TLE4: variants seen among roughly 807,000 people sequenced by gnomAD.
The protein encoded by TLE4 is transducin-like enhancer protein 4.
TLE4 carries 8 observed loss-of-function variants against 92.8 expected under a neutral mutation model. That is an observed-to-expected ratio of 0.09 (90% CI 0.05 to 0.16). The LOEUF (loss-of-function observed/expected upper bound fraction) is 0.16, where lower values mean the gene tolerates loss of function less well. TLE4 is among the 10% of genes least tolerant of loss of function. The probability of loss-of-function intolerance (pLI) is 1.00; values close to 1 mark genes in which losing one functional copy is unlikely to be tolerated. For missense variants in TLE4, 675 were observed against 997.6 expected (o/e 0.68, Z 4.36); for synonymous variants, 371 against 374.1 (o/e 0.99, Z 0.10).
At chr9:79,614,960 A>T (rs901891895) in intron 5 of TLE4, among the ~76,000 whole-genome samples, 1 of 152,094 alleles carries the variant, frequency 6.6e-6, no homozygotes, top group African/African-American at 2.4e-5. Context: ...AGTTCTGTGT[A>T]TATATTTTCT....
intron 8 of TLE4, among the ~76,000 whole-genome samples, chr9:79,673,201 A>G (rs991774668): frequency 6.6e-5 from 10 of 152,234 alleles, no homozygotes; most frequent in African/African-American, 2.4e-4. Context: ...CAAGGAATGA[A>G]ATTTTTAAAG....
chr9:79,580,726 T>C (rs2039415702), intron 4 of TLE4, among the ~76,000 whole-genome samples: 1 of 151,952 alleles, frequency 6.6e-6, no homozygotes, highest in Non-Finnish European at 1.5e-5. Flanking sequence ...TTTTTTTTTT[T>C]CAGAGATAGG....
intron 6 of TLE4, among the ~76,000 whole-genome samples, chr9:79,633,429 C>G (rs575503564): frequency 6.6e-6 from 1 of 152,228 alleles, no homozygotes; most frequent in East Asian, 1.9e-4. Context: ...TCCTTTCCCC[C>G]AGTGAATGCA....
At chr9:79,693,406 T>A (rs962832652) in intron 8 of TLE4, among the ~76,000 whole-genome samples, 3 of 152,156 alleles carry the variant, frequency 2.0e-5, no homozygotes, top group Admixed American at 2.0e-4. Flanking sequence ...TTTAGAAATG[T>A]TGTCAGTGGC....
chr9:79,668,571 C>T (rs1220118956), intron 8 of TLE4, among the ~76,000 whole-genome samples: 1 of 152,132 alleles, frequency 6.6e-6, no homozygotes, highest in Non-Finnish European at 1.5e-5. Context: ...TTTACCATGC[C>T]AGTCAGGTGG....
intron 4 of TLE4, among the ~76,000 whole-genome samples, chr9:79,593,082 G>T (rs1403363549): frequency 6.6e-6 from 1 of 152,056 alleles, no homozygotes; most frequent in Non-Finnish European, 1.5e-5. Flanking sequence ...GTCTTAAGCT[G>T]CCTTGGTTGA....
At chr9:79,695,798 A>C (rs1588357809) in intron 8 of TLE4, among the ~76,000 whole-genome samples, 1 of 152,186 alleles carries the variant, frequency 6.6e-6, no homozygotes, top group African/African-American at 2.4e-5. Context: ...TAAAAGATGA[A>C]AAGATGCTAG....
chr9:79,708,212 G>A lies in TLE4; in HGVS notation c.1031G>A (p.Arg344Lys), dbSNP rs2072225674. ...TPGSNSTPGL[R>K]PVPGKPPGVD... is the part of the protein sequence containing the mutation. ...GGCAGTAACTCTACTCCCGGATTGA[G>A]GCCTGTACCTGGAAAACCACCAGGA... is the stretch of plus-strand genomic sequence containing the variant. The change falls in exon 12 of 20, where the codon AGG becomes AAG. Residue 344 changes from arginine to lysine, a missense_variant. Arg to Lys is a conservative substitution (Grantham distance 26). This residue lies in a region of TLE4 where 280 missense variants were observed against 287.3 expected (regional missense o/e 0.97). Transcript: ENST00000376552. The A allele has an allele frequency of 2.5e-6, 4 of 1,614,008 alleles. No individual in the cohort carries two copies. Among genetic ancestry groups the A allele is most frequent in the South Asian group, 1.1e-5 (1 of 91,088 alleles).
chr9:79,722,615 T>C lies in TLE4; in HGVS notation c.2137+14T>C, dbSNP rs1422478522. On this transcript the variant is annotated intron_variant, in intron 18 of 19. Transcript: ENST00000376552. ...TTGCCCATTGTGGTAAGCAAGCACC[T>C]TTTGTCCATTTTCTGTCAACCAGAA... 6.2e-7 allele frequency: 1 copy of C among 1,611,098 alleles called. No individual in the cohort carries two copies. The highest frequency in any genetic ancestry group is 1.8e-4 in the Middle Eastern group (1 of 5,540).
chr9:79,627,556 T>A, intron 6 of TLE4, 108 bp downstream of exon 6: 1 of 1,107,620 alleles, frequency 9.0e-7, no homozygotes, highest in Non-Finnish European at 1.3e-6. Flanking sequence ...AATAGATGAC[T>A]ACAAAATGAA....
chr9:79,595,971 C>G (rs999217987), intron 4 of TLE4, among the ~76,000 whole-genome samples: 1 of 151,872 alleles, frequency 6.6e-6, no homozygotes, highest in East Asian at 1.9e-4. Flanking sequence ...TTCAGCCTCC[C>G]AAGTAGCTGG....
At chr9:79,577,484 T>A (rs1411714724) in intron 4 of TLE4, among the ~76,000 whole-genome samples, 2 of 152,232 alleles carry the variant, frequency 1.3e-5, no homozygotes, top group Non-Finnish European at 2.9e-5. Context: ...ATTAAATTCT[T>A]ATTTTGGCAT....
At chr9:79,581,660 T>G (rs1393211435) in intron 4 of TLE4, among the ~76,000 whole-genome samples, 1 of 152,214 alleles carries the variant, frequency 6.6e-6, no homozygotes, top group Admixed American at 6.5e-5. Context: ...TTAAACAGGG[T>G]CAGCTCTGCA....
At chr9:79,655,851 T>A (rs2082021246) in intron 8 of TLE4, among the ~76,000 whole-genome samples, 1 of 152,210 alleles carries the variant, frequency 6.6e-6, no homozygotes, top group South Asian at 2.1e-4. Context: ...AACAAAAGCC[T>A]CCACTCCCAG....
intron 8 of TLE4, among the ~76,000 whole-genome samples, chr9:79,680,451 GCTT>G (rs2064276646): frequency 6.6e-6 from 1 of 152,150 alleles, no homozygotes; most frequent in Non-Finnish European, 1.5e-5. Flanking sequence ...GTATAAGAAT[GCTT>G]GTGATTTTTG....
intron 8 of TLE4, among the ~76,000 whole-genome samples, chr9:79,674,541 TA>T (rs959752374): frequency 1.3e-5 from 2 of 152,160 alleles, no homozygotes; most frequent in African/African-American, 4.8e-5. Context: ...GGAAAATACT[TA>T]AGATTATAGG....
chr9:79,612,469 T>A (rs1432022863), intron 4 of TLE4, among the ~76,000 whole-genome samples, 187 bp from the exon 5 acceptor site: 1 of 152,134 alleles, frequency 6.6e-6, no homozygotes, highest in African/African-American at 2.4e-5. Flanking sequence ...TAAATTGTGC[T>A]GTTAATGTGG....
intron 8 of TLE4, among the ~76,000 whole-genome samples, chr9:79,654,826 C>T (rs189293837): frequency 6.6e-6 from 1 of 152,252 alleles, no homozygotes; most frequent in East Asian, 1.9e-4. Context: ...AATGTGATCA[C>T]TTATGAACCA....
intron 6 of TLE4, among the ~76,000 whole-genome samples, chr9:79,645,085 A>G (rs1357466418): frequency 6.6e-6 from 1 of 152,214 alleles, no homozygotes; most frequent in East Asian, 1.9e-4. Flanking sequence ...TAAAGTCATT[A>G]TTCTTAATGA....
Sources: gnomAD v4.1 joint callset for allele counts (sites outside exome capture counted in the v4.1 genomes callset) on GRCh38, gnomAD v4.1.1 for gene constraint, gnomAD v4.1.1 regional missense constraint, MANE v1.5 for transcripts, NCBI Gene and HGNC (gene_info 2026-07-23, HGNC 2026-07-21) for gene names.